The following C9orf153 variants were observed in gnomAD, a reference collection of about 807,000 sequenced individuals.
C9orf153 encodes uncharacterized protein C9orf153.
Under a neutral mutation model 9.0 loss-of-function variants are expected in C9orf153, and 10 were observed. That is an observed-to-expected ratio of 1.11 (90% CI 0.69 to 1.89). C9orf153 has a LOEUF of 1.89. Ranked by LOEUF, C9orf153 falls within the 40% of genes most tolerant of loss-of-function variation. C9orf153 has a pLI of 0.00. For missense variants in C9orf153, 108 were observed against 111.0 expected, an observed-to-expected ratio of 0.97 and a Z score of 0.12; for synonymous variants, 35 against 37.3, an observed-to-expected ratio of 0.94 and a Z score of 0.23.
intron 1 of C9orf153, among the ~76,000 whole-genome samples, chr9:86,230,145 T>C (rs1587798535): frequency 6.6e-6 from 1 of 152,214 alleles, no homozygotes; most frequent in Admixed American, 6.5e-5. Context: ...TCAATACAAT[T>C]TAAACTTTTC....
chr9:86,250,519 T>G (rs1824971054), intron 1 of C9orf153, among the ~76,000 whole-genome samples: 1 of 152,228 alleles, frequency 6.6e-6, no homozygotes, highest in African/African-American at 2.4e-5. Context: ...GATAAAGCTG[T>G]TTGGCCAATA....
intron 1 of C9orf153, among the ~76,000 whole-genome samples, chr9:86,235,191 A>G (rs894484088): frequency 2.6e-5 from 4 of 152,208 alleles, no homozygotes; most frequent in Non-Finnish European, 5.9e-5. Context: ...TGTGGCAGGG[A>G]TGCTGGAATT....
chr9:86,252,603 T>C (rs1010822041), intron 1 of C9orf153, among the ~76,000 whole-genome samples: 19 of 152,206 alleles, frequency 1.2e-4, no homozygotes, highest in African/African-American at 4.6e-4. Flanking sequence ...ATTGATATAT[T>C]AGGCTTAATT....
intron 1 of C9orf153, among the ~76,000 whole-genome samples, chr9:86,242,879 A>G (rs909856070): frequency 1.3e-5 from 2 of 151,912 alleles, no homozygotes; most frequent in African/African-American, 2.4e-5. Context: ...GGGTTTCACC[A>G]TGTTGTCCAG....
chr9:86,223,875 C>G (rs574802503), intron 3 of C9orf153, among the ~76,000 whole-genome samples: 31 of 152,296 alleles, frequency 2.0e-4, no homozygotes, highest in African/African-American at 7.0e-4. Flanking sequence ...GAAAGCATCG[C>G]TCCACAGAGA....
chr9:86,252,001 TG>T (rs1825006798), intron 1 of C9orf153, among the ~76,000 whole-genome samples: 1 of 147,738 alleles, frequency 6.8e-6, no homozygotes, highest in Non-Finnish European at 1.5e-5. Flanking sequence ...TAGATTCTGT[TG>T]GTCTCATGCT....
At chr9:86,257,932 G>A (rs1211992927) in intron 1 of C9orf153, among the ~76,000 whole-genome samples, 2 of 152,174 alleles carry the variant, frequency 1.3e-5, no homozygotes, top group African/African-American at 4.8e-5. Flanking sequence ...TGGGGCTAAC[G>A]TGGAGGGGGA....
intron 3 of C9orf153, among the ~76,000 whole-genome samples, chr9:86,224,782 A>C (rs889263077): frequency 6.6e-6 from 1 of 150,768 alleles, no homozygotes; most frequent in South Asian, 2.1e-4. Flanking sequence ...AAAAAAAAAA[A>C]AAAAAAATTA....
intron 1 of C9orf153, among the ~76,000 whole-genome samples, chr9:86,250,265 A>C (rs1824966929): frequency 6.6e-6 from 1 of 152,170 alleles, no homozygotes; most frequent in Non-Finnish European, 1.5e-5. Context: ...AGTTAATGAA[A>C]ACTCAGGGAC....
intron 3 of C9orf153, among the ~76,000 whole-genome samples, chr9:86,225,228 T>C (rs1029357478): frequency 3.9e-5 from 6 of 152,096 alleles, no homozygotes; most frequent in African/African-American, 1.4e-4. Context: ...AGTAGGAGAG[T>C]AGAAGATGAA....
chr9:86,233,439 C>T (rs1200283182), intron 1 of C9orf153, among the ~76,000 whole-genome samples: 9 of 151,610 alleles, frequency 5.9e-5, no homozygotes, highest in Admixed American at 5.9e-4. Flanking sequence ...TTTTTTGAGA[C>T]AGAGTCTGGT....
intron 1 of C9orf153, among the ~76,000 whole-genome samples, chr9:86,232,882 G>A (rs540300981): frequency 4.6e-5 from 7 of 152,020 alleles, no homozygotes; most frequent in East Asian, 1.9e-4. Flanking sequence ...ACAGGCAAGC[G>A]CCACCACACC....
chr9:86,231,603 A>G (rs1824471821), intron 1 of C9orf153, among the ~76,000 whole-genome samples: 1 of 151,742 alleles, frequency 6.6e-6, no homozygotes, highest in South Asian at 2.1e-4. Context: ...ACATGGATAT[A>G]TATATATATA....
chr9:86,237,658 G>C (rs1003856009), intron 1 of C9orf153, among the ~76,000 whole-genome samples: 16 of 151,234 alleles, frequency 1.1e-4, no homozygotes, highest in Non-Finnish European at 2.1e-4. Context: ...ATCCTTGAAA[G>C]AATACAGGAG....
intron 1 of C9orf153, among the ~76,000 whole-genome samples, chr9:86,253,491 G>A (rs1825038947): frequency 6.6e-6 from 1 of 152,140 alleles, no homozygotes; most frequent in African/African-American, 2.4e-5. Context: ...AGTTTCAAGA[G>A]GCTTTTAAAA....
At chr9:86,228,193 G>C (rs1200772026) in intron 2 of C9orf153, among the ~76,000 whole-genome samples, 163 bp from the exon 3 acceptor site, 3 of 152,116 alleles carry the variant, frequency 2.0e-5, no homozygotes, top group African/African-American at 7.2e-5. Context: ...CAAGTCAATT[G>C]TGGCAATGTG....
chr9:86,246,981 G>C (rs1451569996), intron 1 of C9orf153, among the ~76,000 whole-genome samples: 4 of 152,188 alleles, frequency 2.6e-5, no homozygotes, highest in Non-Finnish European at 1.5e-5. Context: ...CTGCACAGAG[G>C]CAGGTCCCTG....
chr9:86,241,189 A>G (rs925797468), intron 1 of C9orf153, among the ~76,000 whole-genome samples: 2 of 152,136 alleles, frequency 1.3e-5, no homozygotes, highest in Non-Finnish European at 2.9e-5. Flanking sequence ...TCTGTTCATC[A>G]TGAGTGCCGC....
intron 1 of C9orf153, among the ~76,000 whole-genome samples, chr9:86,231,407 AG>A (rs1316547965): frequency 6.6e-6 from 1 of 152,190 alleles, no homozygotes; most frequent in African/African-American, 2.4e-5. Context: ...TTCTAGGTAC[AG>A]GGTACCACTG....
Sources: allele counts gnomAD v4.1 joint callset (sites outside exome capture counted in the v4.1 genomes callset), GRCh38; gene constraint gnomAD v4.1.1; transcripts MANE v1.5; gene names NCBI Gene and HGNC (gene_info 2026-07-23, HGNC 2026-07-21).